The following RYR3 variants were observed in gnomAD, a reference collection of about 807,000 sequenced individuals.
RYR3 encodes ryanodine receptor 3, also known as brain ryanodine receptor-calcium release channel.
RYR3 carries 207 observed loss-of-function variants against 584.3 expected under a neutral mutation model. The observed-to-expected ratio is 0.35, with a 90% CI of 0.32 to 0.40. The LOEUF is 0.40. RYR3 is among the 10% of genes least tolerant of loss of function. RYR3 has a pLI of 1.00. For synonymous variants in RYR3, 2,416 were observed against 2,248.5 expected (o/e 1.07, Z -2.11); for missense variants, 5,616 against 6,089.2 (o/e 0.92, Z 2.59).
At chr15:33,333,196 C>T (rs1160605064) in intron 1 of RYR3, among the ~76,000 whole-genome samples, 1 of 151,946 alleles carries the variant, frequency 6.6e-6, no homozygotes, top group Non-Finnish European at 1.5e-5. Context: ...AGGGACTCTT[C>T]CCTAACTCAT....
At chr15:33,725,976 C>CCCCCCCCCCCCAAA (rs1555427643) in intron 45 of RYR3, among the ~76,000 whole-genome samples, 1 of 31,516 alleles carries the variant, frequency 3.2e-5, no homozygotes, top group African/African-American at 1.1e-4. Context: ...TCCCCCCCCC[C>CCCCCCCCCCCCAAA]AAAAAAAAAA....
In RYR3 at chr15:33,652,772, C is replaced by G. The variant is rs1485781885; in HGVS notation, c.4197C>G (p.Ser1399=). 4 of 1,613,678 alleles carry G rather than the reference C, an allele frequency of 2.5e-6. No homozygotes were observed. Among genetic ancestry groups the G allele is most frequent in the African/African-American group, 1.3e-5 (1 of 74,896 alleles). Reference sequence around the variant, plus strand: ...GGGGTGGAGACATTGTAGCCAGTTCCCAGAGATCAAATCGGAGCAACGTGG... The same window carrying G: ...GGGGTGGAGACATTGTAGCCAGTTCGCAGAGATCAAATCGGAGCAACGTGG... ...MVWGGDIVAS[S]QRSNRSNVDL... The change falls in exon 32 of 104, where the codon TCC becomes TCG. Residue 1399 remains serine, a synonymous_variant. Transcript: ENST00000634891.
chr15:33,793,645 TAA>T (rs1263952345), intron 67 of RYR3, among the ~76,000 whole-genome samples: 2 of 152,142 alleles, frequency 1.3e-5, no homozygotes, highest in Non-Finnish European at 1.5e-5. Flanking sequence ...CATACCCTTC[TAA>T]AGTTTAAGGC....
intron 47 of RYR3, among the ~76,000 whole-genome samples, chr15:33,729,519 G>A (rs73379357): frequency 7.4e-4 from 112 of 152,216 alleles, no homozygotes; most frequent in African/African-American, 2.7e-3. Flanking sequence ...TTAGTTTCAT[G>A]TACTGACCAC....
chr15:33,726,451 A>G lies in RYR3; in HGVS notation c.6978A>G (p.Thr2326=), dbSNP rs2068466753. The change falls in exon 46 of 104, where the codon ACA becomes ACG. Residue 2326 remains threonine (T), a synonymous_variant. Coordinates refer to ENST00000634891, the MANE Select transcript of RYR3 (RefSeq NM_001036.6). The part of the protein sequence containing the change: ...IRSILRSLVP[T]EDLVGIISIP... ...CCATCCTGCGCTCCCTGGTCCCCAC[A>G]GAAGACCTGGTTGGGATCATCAGCA... 2 of 1,609,892 alleles carry G rather than the reference A, an allele frequency of 1.2e-6. No individual in the cohort carries two copies. Among genetic ancestry groups the G allele is most frequent in the Non-Finnish European group, 1.7e-6 (2 of 1,178,106 alleles).
intron 1 of RYR3, among the ~76,000 whole-genome samples, chr15:33,386,768 G>A (rs1025703081): frequency 1.3e-5 from 2 of 152,096 alleles, no homozygotes; most frequent in Non-Finnish European, 2.9e-5. Context: ...TTATAGAAGC[G>A]GAATTGTAGA....
At chr15:33,736,377 C>T (rs751151396) in intron 49 of RYR3, 52 bp downstream of exon 49, 6 of 1,264,216 alleles carry the variant, frequency 4.7e-6, no homozygotes, top group Non-Finnish European at 6.8e-6. Context: ...GGAAACTTGC[C>T]TTGTAATATG....
intron 1 of RYR3, among the ~76,000 whole-genome samples, chr15:33,316,651 A>G (rs1237251190): frequency 1.3e-5 from 2 of 152,232 alleles, no homozygotes; most frequent in South Asian, 4.1e-4. Flanking sequence ...TTCCCACTGT[A>G]TGGAGATAGA....
At chr15:33,623,701 A>G in intron 19 of RYR3, 106 bp from the exon 20 acceptor site, 1 of 800,706 alleles carries the variant, frequency 1.2e-6, no homozygotes, top group Non-Finnish European at 2.0e-6. Context: ...CTTCTCAACA[A>G]AATTATGTTG....
chr15:33,645,933 G>A (rs559249844), intron 28 of RYR3, among the ~76,000 whole-genome samples: 3 of 152,226 alleles, frequency 2.0e-5, no homozygotes, highest in Admixed American at 2.0e-4. Flanking sequence ...CCTGAGCTTT[G>A]GGATTACTTT....
At chr15:33,630,363 G>A (rs192442996) in intron 22 of RYR3, among the ~76,000 whole-genome samples, 18 of 152,262 alleles carry the variant, frequency 1.2e-4, no homozygotes, top group Admixed American at 5.2e-4. Context: ...TCTAAAACCC[G>A]TTGGGAAACC....
At chr15:33,314,942 C>A (rs59842793) in intron 1 of RYR3, among the ~76,000 whole-genome samples, 77,218 of 144,924 alleles carry the variant, frequency 0.53, 19,912 homozygotes, top group Middle Eastern at 0.57. Context: ...AAAAAAAAAC[C>A]AAAAAAAAAC....
At chr15:33,851,478 A>G (rs144572486) in intron 94 of RYR3, 1 of 152,308 alleles carries the variant, frequency 6.6e-6, no homozygotes, top group East Asian at 1.9e-4. Flanking sequence ...ACATTCATGT[A>G]CAGATGTACT....
At chr15:33,424,934 A>G (rs1165437643) in intron 1 of RYR3, among the ~76,000 whole-genome samples, 1 of 152,182 alleles carries the variant, frequency 6.6e-6, no homozygotes, top group Non-Finnish European at 1.5e-5. Flanking sequence ...CAACATTTTG[A>G]AAAACAAGAA....
chr15:33,810,010 A>T (rs780530696), intron 70 of RYR3, among the ~76,000 whole-genome samples: 4 of 152,146 alleles, frequency 2.6e-5, no homozygotes, highest in Admixed American at 1.3e-4. Flanking sequence ...GCATTGGCTC[A>T]TGGTCGGGAG....
At chr15:33,685,659 G>A (rs947704162) in intron 38 of RYR3, among the ~76,000 whole-genome samples, 3 of 152,042 alleles carry the variant, frequency 2.0e-5, no homozygotes, top group African/African-American at 7.2e-5. Context: ...GCACCACATT[G>A]CACTTATTCC....
intron 40 of RYR3, 104 bp from the exon 41 acceptor site, chr15:33,699,600 T>C (rs1387414401): frequency 9.9e-7 from 1 of 1,014,022 alleles, no homozygotes; most frequent in Admixed American, 2.9e-5. Context: ...AAGTTCATTT[T>C]TCCAAGTGTT....
At chr15:33,415,645 A>G (rs1319215877) in intron 1 of RYR3, among the ~76,000 whole-genome samples, 4 of 152,240 alleles carry the variant, frequency 2.6e-5, no homozygotes, top group South Asian at 2.1e-4. Flanking sequence ...GGCTTCAGAG[A>G]GGAGTTCACA....
chr15:33,633,231 C>A, intron 24 of RYR3, 123 bp downstream of exon 24: 1 of 869,242 alleles, frequency 1.2e-6, no homozygotes, highest in Non-Finnish European at 1.8e-6. Flanking sequence ...TCCCTCACAC[C>A]TCAGTGTGTT....
Sources: gnomAD v4.1 joint callset for allele counts (sites outside exome capture counted in the v4.1 genomes callset) on GRCh38, gnomAD v4.1.1 for gene constraint, MANE v1.5 for transcripts, NCBI Gene and HGNC (gene_info 2026-07-23, HGNC 2026-07-21) for gene names.